The following NEK10 variants were observed in gnomAD, a reference collection of about 807,000 sequenced individuals.
NEK10 encodes the protein serine/threonine-protein kinase Nek10.
A neutral mutation model predicts 159.8 loss-of-function variants in NEK10; 122 were observed. The observed-to-expected ratio is 0.76, with a 90% confidence interval of 0.66 to 0.89. The LOEUF (loss-of-function observed/expected upper bound fraction) is 0.89, where lower values mean the gene tolerates loss of function less well. Among genes scored for constraint, NEK10 ranks in the 40% least tolerant of loss-of-function variants. The pLI, the probability that NEK10 is intolerant of heterozygous loss-of-function variation, is 0.00. For missense variants in NEK10, 1,342 were observed against 1,323.1 expected, an observed-to-expected ratio of 1.01 and a Z score of -0.22; for synonymous variants, 466 against 457.1, an observed-to-expected ratio of 1.02 and a Z score of -0.25.
chr3:27,218,147 A>T (rs1245198275), intron 23 of NEK10, among the ~76,000 whole-genome samples: 1 of 152,218 alleles, frequency 6.6e-6, no homozygotes, highest in East Asian at 1.9e-4. Flanking sequence ...AAAAGAGCAG[A>T]TTCACATCCC....
At chr3:27,340,801 A>G (rs1388209794) in intron 5 of NEK10, among the ~76,000 whole-genome samples, 1 of 152,216 alleles carries the variant, frequency 6.6e-6, no homozygotes, top group African/African-American at 2.4e-5. Flanking sequence ...CGATTTCTCA[A>G]AAAAATAAAA....
At chr3:27,184,332 T>C (rs564090205) in intron 26 of NEK10, among the ~76,000 whole-genome samples, 41 of 152,338 alleles carry the variant, frequency 2.7e-4, no homozygotes, top group African/African-American at 9.6e-4. Flanking sequence ...AAAGAGAACA[T>C]GTGTTTGATT....
intron 12 of NEK10, among the ~76,000 whole-genome samples, chr3:27,303,954 C>G (rs1007062152): frequency 1.3e-5 from 2 of 152,164 alleles, no homozygotes; most frequent in Non-Finnish European, 2.9e-5. Flanking sequence ...CTGAATTATA[C>G]TTTATAACAA....
chr3:27,138,378 T>G (rs1943437841), intron 31 of NEK10, among the ~76,000 whole-genome samples: 1 of 152,192 alleles, frequency 6.6e-6, no homozygotes, highest in African/African-American at 2.4e-5. Flanking sequence ...GTTTCTCCAG[T>G]ATAGCACCTT....
In NEK10 at chr3:27,214,861, G is replaced by A. The variant is rs538811632; in HGVS notation, c.2091-12304C>T. The stretch of plus-strand genomic sequence containing the variant: ...GCCTGGAAATCATGTGACAGTTGGA[G>A]TAAGCCATTCCTAATCCCATGCCAG... On this transcript the variant is annotated intron_variant, in intron 23 of 35. Transcript: ENST00000691995. The A allele has an allele frequency of 4.6e-5, 57 of 1,231,902 alleles. 3 individuals carry two copies. Among genetic ancestry groups the A allele is most frequent in the Non-Finnish European group, 6.3e-5 (53 of 837,568 alleles). 76.3% of individuals were successfully genotyped at this position (1,231,902 alleles called of 1,614,324 possible).
At chr3:27,259,969 C>G (rs1331875104) in intron 22 of NEK10, among the ~76,000 whole-genome samples, 1 of 152,072 alleles carries the variant, frequency 6.6e-6, no homozygotes, top group Non-Finnish European at 1.5e-5. Context: ...GTATTTTATT[C>G]TCTTTGAAGC....
chr3:27,178,034 A>G (rs1329805670), intron 26 of NEK10, among the ~76,000 whole-genome samples: 1 of 152,172 alleles, frequency 6.6e-6, no homozygotes, highest in African/African-American at 2.4e-5. Context: ...CACATTCCGG[A>G]TATCAATACG....
intron 23 of NEK10, among the ~76,000 whole-genome samples, chr3:27,238,032 T>A (rs1256718109): frequency 1.3e-5 from 2 of 152,060 alleles, no homozygotes; most frequent in African/African-American, 2.4e-5. Context: ...GTAGTCAGGG[T>A]TTTTTATTTG....
At chr3:27,317,961 C>G (rs659725) in intron 6 of NEK10, among the ~76,000 whole-genome samples, 1,767 of 152,204 alleles carry the variant, frequency 0.012, 11 homozygotes, top group South Asian at 0.02. Flanking sequence ...CGCCACCACG[C>G]CCGGCTAATT....
chr3:27,156,236 C>T (rs1945404473), intron 30 of NEK10, among the ~76,000 whole-genome samples: 1 of 151,918 alleles, frequency 6.6e-6, no homozygotes, highest in Admixed American at 6.6e-5. Flanking sequence ...TAGAGATTGG[C>T]TTAGGCAAGG....
intron 13 of NEK10, among the ~76,000 whole-genome samples, chr3:27,297,620 T>C (rs1029881801): frequency 2.0e-5 from 3 of 152,250 alleles, no homozygotes; most frequent in African/African-American, 4.8e-5. Flanking sequence ...AAGAATGCTT[T>C]AAATATATTA....
chr3:27,287,801 A>G, intron 19 of NEK10, 58 bp from the exon 20 acceptor site: 1 of 1,457,796 alleles, frequency 6.9e-7, no homozygotes, highest in East Asian at 2.7e-5. Flanking sequence ...AAGTTTTTTC[A>G]CTGACTACTT....
At chr3:27,217,230 C>A in intron 23 of NEK10, among the ~76,000 whole-genome samples, 1 of 152,122 alleles carries the variant, frequency 6.6e-6, no homozygotes, top group South Asian at 2.1e-4. Flanking sequence ...TCTAGCATAA[C>A]ATTACAAAAC....
chr3:27,343,954 G>T (rs912031145), intron 5 of NEK10, among the ~76,000 whole-genome samples: 1 of 152,178 alleles, frequency 6.6e-6, no homozygotes, highest in African/African-American at 2.4e-5. Context: ...TAAGAATGTT[G>T]TCCGTGGTGT....
At chr3:27,212,382 A>T (rs575044088) in intron 23 of NEK10, among the ~76,000 whole-genome samples, 8 of 152,316 alleles carry the variant, frequency 5.3e-5, no homozygotes, top group African/African-American at 7.2e-5. Context: ...TAAATCTGTA[A>T]TCTTATGTGG....
intron 26 of NEK10, among the ~76,000 whole-genome samples, chr3:27,177,308 C>T (rs953086142): frequency 1.3e-5 from 2 of 152,116 alleles, no homozygotes; most frequent in African/African-American, 2.4e-5. Flanking sequence ...CTTTGGGAGG[C>T]TGAGGCAGGT....
chr3:27,329,072 C>A (rs976181734), intron 5 of NEK10, among the ~76,000 whole-genome samples: 1 of 152,120 alleles, frequency 6.6e-6, no homozygotes, highest in African/African-American at 2.4e-5. Flanking sequence ...GGTATTTAAT[C>A]ATGGGGGCAG....
At chr3:27,111,994 C>G (rs1286413849) in intron 35 of NEK10, among the ~76,000 whole-genome samples, 1 of 152,154 alleles carries the variant, frequency 6.6e-6, no homozygotes, top group East Asian at 1.9e-4. Context: ...ACTTTCTTTA[C>G]ACAGCTTTCT....
rs570990632 is a variant in NEK10, at chr3:27,211,869, T to C, written c.2091-9312A>G. On this transcript the variant is annotated intron_variant, in intron 23 of 35. Transcript: ENST00000691995. ...TAGATGCCATGAAGAAAACAGACTA[T>C]TTTTTAAAATAACATTTCTCATGAA... Among the ~76,000 whole-genome samples the C allele has an allele frequency of 4.6e-5, 7 of 152,336 alleles. No homozygotes were observed. In the South Asian group the frequency reaches 1.2e-3, roughly 27 times the overall value.
Sources: gnomAD v4.1 joint callset for allele counts (sites outside exome capture counted in the v4.1 genomes callset) on GRCh38, gnomAD v4.1.1 for gene constraint, MANE v1.5 for transcripts, NCBI Gene and HGNC (gene_info 2026-07-23, HGNC 2026-07-21) for gene names.